The following RYR2 variants were observed in gnomAD, a reference collection of about 807,000 sequenced individuals.
The protein encoded by RYR2 is ryanodine receptor 2.
Under a neutral mutation model 601.1 loss-of-function variants are expected in RYR2, and 227 were observed. The ratio of observed to expected loss-of-function variants is 0.38; its 90% CI spans 0.34 to 0.42. The LOEUF is 0.42. RYR2 is among the 10% of genes least tolerant of loss of function. The pLI is 1.00. For synonymous variants in RYR2, 2,223 were observed against 2,175.1 expected (o/e 1.02, Z -0.61); for missense variants, 4,646 against 6,156.5 (o/e 0.75, Z 8.21).
intron 17 of RYR2, among the ~76,000 whole-genome samples, chr1:237,474,661 A>C (rs1289849659): frequency 6.6e-6 from 1 of 152,130 alleles, no homozygotes; most frequent in Non-Finnish European, 1.5e-5. Flanking sequence ...ATATCAGCTA[A>C]ACTCCCTGGG....
chr1:237,263,789 A>G (rs1169125985), intron 1 of RYR2, among the ~76,000 whole-genome samples: 4 of 152,202 alleles, frequency 2.6e-5, no homozygotes, highest in Non-Finnish European at 5.9e-5. Flanking sequence ...GTGAGCCAGC[A>G]TTCTTACAGG....
At chr1:237,754,992 A>C (rs1692826111) in intron 80 of RYR2, 8 of 943,030 alleles carry the variant, frequency 8.5e-6, no homozygotes, top group Non-Finnish European at 1.1e-5. Context: ...TTAAGAAAAC[A>C]TAAAATTAAC....
chr1:237,172,348 T>G (rs1291205523), intron 1 of RYR2, among the ~76,000 whole-genome samples: 1 of 152,232 alleles, frequency 6.6e-6, no homozygotes, highest in East Asian at 1.9e-4. Flanking sequence ...GTGTGCAAAC[T>G]GGGTACCACC....
intron 25 of RYR2, among the ~76,000 whole-genome samples, chr1:237,541,154 T>C (rs1347345704): frequency 6.6e-6 from 1 of 152,176 alleles, no homozygotes; most frequent in Admixed American, 6.5e-5. Context: ...TTAGATACTC[T>C]TTTTGTGTGT....
intron 29 of RYR2, among the ~76,000 whole-genome samples, chr1:237,581,195 T>C (rs879180936): frequency 6.6e-6 from 1 of 152,204 alleles, no homozygotes; most frequent in Admixed American, 6.5e-5. Context: ...GTTATTTATG[T>C]TTGGAGATTA....
chr1:237,719,440 G>A (rs1689526218), intron 73 of RYR2, among the ~76,000 whole-genome samples: 1 of 152,056 alleles, frequency 6.6e-6, no homozygotes, highest in Non-Finnish European at 1.5e-5. Context: ...AGTATAACAC[G>A]GGCATCTGCT....
chr1:237,383,983 T>A (rs1380002167), intron 8 of RYR2, among the ~76,000 whole-genome samples: 1 of 152,180 alleles, frequency 6.6e-6, no homozygotes, highest in Non-Finnish European at 1.5e-5. Flanking sequence ...ATAATTCATC[T>A]CAGTTTCAGT....
At chr1:237,185,149 C>T (rs923893332) in intron 1 of RYR2, among the ~76,000 whole-genome samples, 4 of 151,966 alleles carry the variant, frequency 2.6e-5, no homozygotes, top group East Asian at 1.9e-4. Context: ...TACAGGCGTA[C>T]GTCACCACGC....
intron 1 of RYR2, among the ~76,000 whole-genome samples, chr1:237,229,378 A>C (rs887400014): frequency 1.3e-5 from 2 of 152,096 alleles, no homozygotes; most frequent in Non-Finnish European, 2.9e-5. Flanking sequence ...CTTGTCCTTT[A>C]ATATTACTTG....
chr1:237,590,726 T>G lies in RYR2; in HGVS notation c.3894T>G (p.Asp1298Glu), dbSNP rs1383564773. The change falls in exon 31 of 105, where the codon GAT becomes GAG. Residue 1298 changes from aspartate to glutamate, a missense_variant. Around this residue, in one of 17 missense-constraint regions of RYR2, gnomAD observed 1,807 missense variants for 2,088.1 expected, o/e 0.87. Coordinates refer to ENST00000366574, the MANE Select transcript of RYR2 (RefSeq NM_001035.3). ...TTGGTTCTCAGAACAGCAACACTGATATCATGTTTTATCGCCTGAGCATGC... is the reference window on the plus strand; with the variant it reads ...TTGGTTCTCAGAACAGCAACACTGAGATCATGTTTTATCGCCTGAGCATGC... ...KSFGSQNSNT[D>E]IMFYRLSMPI... 5.6e-6 allele frequency: 9 copies of G among 1,612,012 alleles called. No homozygotes were observed. The highest frequency in any genetic ancestry group is 1.3e-5 in the African/African-American group (1 of 74,900).
intron 17 of RYR2, among the ~76,000 whole-genome samples, chr1:237,478,114 C>T (rs1335461545): frequency 1.8e-5 from 2 of 108,604 alleles, no homozygotes; most frequent in African/African-American, 2.8e-5. Context: ...CCTACTATTT[C>T]ATTATCAAAA....
intron 1 of RYR2, among the ~76,000 whole-genome samples, chr1:237,171,657 G>C (rs1370509649): frequency 2.6e-5 from 4 of 152,122 alleles, no homozygotes; most frequent in African/African-American, 4.8e-5. Flanking sequence ...AAATCTCTGA[G>C]ACTCCTCTGG....
rs536781776 is a variant in RYR2, at chr1:237,642,475, A to G, written c.7222-852A>G. 2.1e-3 allele frequency among the ~76,000 whole-genome samples: 317 copies of G among 152,348 alleles called. 3 individuals are homozygous for G. Among genetic ancestry groups the G allele is most frequent in the African/African-American group, 7.5e-3 (310 of 41,580 alleles). On this transcript the variant is annotated intron_variant, in intron 47 of 104. Transcript: ENST00000366574. Reference sequence around the variant, plus strand: ...CAATATTTGTTATTTTTCCCATCTCAGAAAAAAACATCAGCGAAACAAAGA... The same window carrying G: ...CAATATTTGTTATTTTTCCCATCTCGGAAAAAAACATCAGCGAAACAAAGA...
At chr1:237,830,699 T>G (rs1209234339) in intron 103 of RYR2, 69 bp downstream of exon 103, 1 of 740,996 alleles carries the variant, frequency 1.3e-6, no homozygotes, top group African/African-American at 1.8e-5. Context: ...CATCTCAGAA[T>G]AGAGAGGAAG....
intron 101 of RYR2, among the ~76,000 whole-genome samples, chr1:237,822,428 T>C (rs1167795488): frequency 6.6e-6 from 1 of 152,174 alleles, no homozygotes; most frequent in Non-Finnish European, 1.5e-5. Context: ...CCAGCCAAAC[T>C]AAGCTTCAAA....
chr1:237,397,412 A>G (rs975591089), intron 10 of RYR2, among the ~76,000 whole-genome samples: 5 of 152,102 alleles, frequency 3.3e-5, no homozygotes, highest in African/African-American at 1.2e-4. Flanking sequence ...TGTCACGACT[A>G]TGTTTTATAC....
intron 29 of RYR2, among the ~76,000 whole-genome samples, chr1:237,571,973 A>G (rs1389758057): frequency 6.6e-6 from 1 of 152,168 alleles, no homozygotes; most frequent in Admixed American, 6.5e-5. Context: ...ACTTCTAGTT[A>G]TTTTAAAATG....
chr1:237,669,499 C>A (rs867182201), intron 58 of RYR2, among the ~76,000 whole-genome samples: 82 of 134,298 alleles, frequency 6.1e-4, no homozygotes, highest in African/African-American at 2.1e-3. Flanking sequence ...GCTGGCCGGG[C>A]GGGGGGCTGA....
intron 1 of RYR2, among the ~76,000 whole-genome samples, chr1:237,229,307 G>A (rs572401494): frequency 7.4e-4 from 112 of 152,310 alleles, no homozygotes; most frequent in Middle Eastern, 3.4e-3. Flanking sequence ...GGGATGGGTG[G>A]TTTGCTGTTA....
Sources: gnomAD v4.1 joint callset for allele counts (sites outside exome capture counted in the v4.1 genomes callset) on GRCh38, gnomAD v4.1.1 for gene constraint, gnomAD v4.1.1 regional missense constraint, MANE v1.5 for transcripts, NCBI Gene and HGNC (gene_info 2026-07-23, HGNC 2026-07-21) for gene names.